Variants in PPP1R12A observed in about 807,000 individuals in gnomAD.
PPP1R12A encodes the protein myosin binding subunit.
In PPP1R12A, 19 loss-of-function variants were observed where a neutral mutation model predicts 139.6. The observed-to-expected ratio is 0.14, with a 90% CI of 0.09 to 0.20. The LOEUF (loss-of-function observed/expected upper bound fraction) is 0.20. Among genes scored for constraint, PPP1R12A ranks in the 10% least tolerant of loss-of-function variants. The probability of loss-of-function intolerance (pLI) is 1.00; values close to 1 mark genes in which losing one functional copy is unlikely to be tolerated. For synonymous variants in PPP1R12A, 427 were observed against 420.6 expected, an observed-to-expected ratio of 1.02 and a Z score of -0.19; for missense variants, 925 against 1,211.5, an observed-to-expected ratio of 0.76 and a Z score of 3.51.
chr12:79,791,760 G>A (rs977857583), intron 19 of PPP1R12A, among the ~76,000 whole-genome samples: 2 of 152,094 alleles, frequency 1.3e-5, no homozygotes, highest in African/African-American at 4.8e-5. Context: ...AAGATCGCTA[G>A]AACTTTTTCA....
At chr12:79,794,521 C>A (rs981201796) in intron 18 of PPP1R12A, among the ~76,000 whole-genome samples, 1 of 151,240 alleles carries the variant, frequency 6.6e-6, no homozygotes, top group Non-Finnish European at 1.5e-5. Context: ...TTAAAATGGA[C>A]TGAAACACTG....
intron 1 of PPP1R12A, among the ~76,000 whole-genome samples, chr12:79,874,907 A>C (rs897835550): frequency 6.6e-6 from 1 of 152,182 alleles, no homozygotes; most frequent in Non-Finnish European, 1.5e-5. Context: ...TTGTTCTTGC[A>C]GTTCTCACTG....
In PPP1R12A at chr12:79,806,219, T is replaced by A; in HGVS notation, c.1770A>T (p.Thr590=). The A allele has an allele frequency of 6.2e-7, 1 of 1,613,982 alleles. No homozygotes were observed. Among genetic ancestry groups the A allele is most frequent in the South Asian group, 1.1e-5 (1 of 91,090 alleles). The change falls in exon 13 of 25, where the codon ACA becomes ACT. Residue 590 remains threonine (T), a synonymous_variant. Transcript: ENST00000450142. Reference sequence around the variant, plus strand: ...CCGTTGTAATCTTTGTAGTAGTGCTTGTGCTGGAAAGCAGGCTTTTCTGAA... The same window carrying A: ...CCGTTGTAATCTTTGTAGTAGTGCTAGTGCTGGAAAGCAGGCTTTTCTGAA... ...AGLQKSLLSS[T]STTTKITTGS... is the part of the protein sequence containing the mutation.
chr12:79,920,399 C>A (rs115515022), intron 1 of PPP1R12A, among the ~76,000 whole-genome samples: 1 of 152,148 alleles, frequency 6.6e-6, no homozygotes, highest in Non-Finnish European at 1.5e-5. Context: ...CTGGGTCATA[C>A]GGTAACTCTG....
rs1297956585 is a variant in PPP1R12A at position 79,934,815 on chromosome 12, G to A, written c.117C>T (p.Asp39=). ...VKRQKTKVKF[D]DGAVFLAACS... ...AAGCAGCCAGGAAGACGGCGCCATC[G>A]TCGAACTTCACCTTGGTCTTCTGGC... The change falls in exon 1 of 25, where the codon GAC becomes GAT. Residue 39 remains aspartate, a synonymous_variant. Transcript: ENST00000450142. The A allele has an allele frequency of 1.2e-6, 2 of 1,603,836 alleles. No individual in the cohort carries two copies. Among genetic ancestry groups the A allele is most frequent in the Non-Finnish European group, 1.7e-6 (2 of 1,175,444 alleles).
chr12:79,921,997 T>A (rs1038987606), intron 1 of PPP1R12A, among the ~76,000 whole-genome samples: 1 of 152,230 alleles, frequency 6.6e-6, no homozygotes, highest in Non-Finnish European at 1.5e-5. Context: ...ATGGCTGTAA[T>A]CCAAGCACTT....
At chr12:79,857,184 A>G (rs1592722590) in intron 2 of PPP1R12A, among the ~76,000 whole-genome samples, 8 of 152,222 alleles carry the variant, frequency 5.3e-5, no homozygotes, top group South Asian at 2.1e-4. Flanking sequence ...AACCAACCCA[A>G]ATGTCCAACA....
intron 23 of PPP1R12A, among the ~76,000 whole-genome samples, chr12:79,780,948 C>A (rs1870372097): frequency 6.6e-6 from 1 of 151,472 alleles, no homozygotes; most frequent in Admixed American, 6.6e-5. Context: ...GTGAAAAGGG[C>A]AAATTGGTTA....
chr12:79,900,718 AGAG>A (rs1305427797), intron 1 of PPP1R12A, among the ~76,000 whole-genome samples: 2 of 152,188 alleles, frequency 1.3e-5, no homozygotes, highest in African/African-American at 2.4e-5. Context: ...ACGAATTTTA[AGAG>A]GAGAAGGCTC....
At chr12:79,859,892 C>T (rs1216210768) in intron 2 of PPP1R12A, among the ~76,000 whole-genome samples, 2 of 152,076 alleles carry the variant, frequency 1.3e-5, no homozygotes, top group African/African-American at 2.4e-5. Context: ...CCAGCCTGGG[C>T]GACAGAGCAA....
intron 9 of PPP1R12A, among the ~76,000 whole-genome samples, chr12:79,814,815 CAAAAAAAAAA>C (rs149384466): frequency 2.9e-5 from 2 of 69,750 alleles, no homozygotes; most frequent in Admixed American, 2.2e-4. Context: ...AACTCTGTCT[CAAAAAAAAAA>C]AAAAAAAAAA....
intron 1 of PPP1R12A, among the ~76,000 whole-genome samples, chr12:79,917,728 C>T (rs1317321615): frequency 6.6e-6 from 1 of 152,010 alleles, no homozygotes; most frequent in Non-Finnish European, 1.5e-5. Context: ...ATCTATTAGA[C>T]ATAAAAAGTG....
intron 22 of PPP1R12A, chr12:79,782,565 GC>G (rs1285049866): frequency 2.2e-6 from 1 of 455,222 alleles, no homozygotes; most frequent in Non-Finnish European, 4.4e-6. Flanking sequence ...TTGGGTTTTA[GC>G]CTACCTGTTG....
chr12:79,880,228 A>T (rs954639007), intron 1 of PPP1R12A, among the ~76,000 whole-genome samples: 6 of 152,162 alleles, frequency 3.9e-5, no homozygotes, highest in African/African-American at 9.7e-5. Flanking sequence ...CTAAAATATC[A>T]CGGAGGACAT....
intron 1 of PPP1R12A, among the ~76,000 whole-genome samples, chr12:79,927,386 A>T (rs1763630498): frequency 6.6e-6 from 1 of 152,242 alleles, no homozygotes; most frequent in Admixed American, 6.5e-5. Flanking sequence ...CCTAAAATTT[A>T]GGACAATTTC....
intron 5 of PPP1R12A, among the ~76,000 whole-genome samples, chr12:79,827,147 A>AAAAACAACTATTATGATG (rs1876888950): frequency 6.6e-6 from 1 of 152,180 alleles, no homozygotes; most frequent in South Asian, 2.1e-4. Context: ...TATTATGATG[A>AAAAACAACTATTATGATG]AAAACAACAG....
At chr12:79,785,801 C>T (rs1271940140) in intron 22 of PPP1R12A, among the ~76,000 whole-genome samples, 1 of 151,890 alleles carries the variant, frequency 6.6e-6, no homozygotes, top group Non-Finnish European at 1.5e-5. Flanking sequence ...TTCCTGTCTC[C>T]CAGAACTAAT....
chr12:79,802,759 G>A (rs1873347530), intron 14 of PPP1R12A, among the ~76,000 whole-genome samples: 1 of 152,080 alleles, frequency 6.6e-6, no homozygotes, highest in South Asian at 2.1e-4. Flanking sequence ...CAGCCTGGGT[G>A]ACAGAGATCC....
chr12:79,926,563 T>C (rs370609462), intron 1 of PPP1R12A, among the ~76,000 whole-genome samples: 6 of 152,248 alleles, frequency 3.9e-5, no homozygotes, highest in Non-Finnish European at 7.3e-5. Flanking sequence ...GTGGTTGATA[T>C]AAGCTTTTTT....
Sources: gnomAD v4.1 joint callset for allele counts (sites outside exome capture counted in the v4.1 genomes callset) on GRCh38, gnomAD v4.1.1 for gene constraint, MANE v1.5 for transcripts, NCBI Gene and HGNC (gene_info 2026-07-23, HGNC 2026-07-21) for gene names.